KLF8: variants seen among roughly 807,000 people sequenced by gnomAD.
KLF8 encodes Krueppel-like factor 8.
Under a neutral mutation model 18.2 loss-of-function variants are expected in KLF8, and 10 were observed. The observed-to-expected ratio is 0.55, with a 90% confidence interval of 0.34 to 0.93. The LOEUF (loss-of-function observed/expected upper bound fraction) is 0.93. KLF8 is among the 40% of genes least tolerant of loss of function. The pLI is 0.02. For synonymous variants in KLF8, 109 were observed against 97.3 expected, an observed-to-expected ratio of 1.12 and a Z score of -0.71; for missense variants, 264 against 277.9, an observed-to-expected ratio of 0.95 and a Z score of 0.36.
chrX:56,023,929 C>G, the KLF8 span, among the ~76,000 whole-genome samples: 327 of 111,463 alleles, frequency 2.9e-3, no homozygotes, highest in African/African-American at 0.01. Context: ...CTAGCACAAA[C>G]AGAACTCCAG....
At chrX:56,066,641 C>G in the KLF8 span, among the ~76,000 whole-genome samples, 1 of 111,473 alleles carries the variant, frequency 9.0e-6, no homozygotes, top group Non-Finnish European at 1.9e-5. Context: ...TTAATGGTTC[C>G]TGCTTTAATC....
chrX:56,079,554 A>G, the KLF8 span, among the ~76,000 whole-genome samples: 1 of 111,252 alleles, frequency 9.0e-6, no homozygotes, highest in Non-Finnish European at 1.9e-5. Flanking sequence ...GGAGAGCTTT[A>G]CTTCCCAGTA....
At chrX:56,262,653 A>AATTATT (rs746011852) in intron 2 of KLF8, among the ~76,000 whole-genome samples, 1 of 110,214 alleles carries the variant, frequency 9.1e-6, no homozygotes, top group South Asian at 3.8e-4. Flanking sequence ...TATTACAGTG[A>AATTATT]ATTATTATTA....
chrX:56,004,261 C>T, the KLF8 span, among the ~76,000 whole-genome samples: 125 of 112,290 alleles, frequency 1.1e-3, no homozygotes, highest in Non-Finnish European at 1.7e-3. Flanking sequence ...GCCTTGCACA[C>T]GGTACCTGTT....
chrX:56,212,452 C>T, the KLF8 span, among the ~76,000 whole-genome samples: 2 of 112,167 alleles, frequency 1.8e-5, no homozygotes, highest in African/African-American at 6.5e-5. Context: ...ACCTAGAGCA[C>T]TTTGGCCCTC....
chrX:56,040,327 AT>A, the KLF8 span, among the ~76,000 whole-genome samples: 1 of 111,241 alleles, frequency 9.0e-6, no homozygotes, highest in Non-Finnish European at 1.9e-5. Flanking sequence ...GTGCTTCCAG[AT>A]TTTTCCCATT....
At chrX:56,172,035 T>C in the KLF8 span, among the ~76,000 whole-genome samples, 1 of 111,576 alleles carries the variant, frequency 9.0e-6, no homozygotes, top group Non-Finnish European at 1.9e-5. Flanking sequence ...CTAGCACCTG[T>C]TGTTTCCTGA....
the KLF8 span, among the ~76,000 whole-genome samples, chrX:56,149,597 T>C: frequency 9.0e-6 from 1 of 111,029 alleles, no homozygotes; most frequent in Non-Finnish European, 1.9e-5. Flanking sequence ...AAGTTGAAAG[T>C]GTAAAACAAA....
At chrX:56,067,880 G>A in the KLF8 span, among the ~76,000 whole-genome samples, 2 of 112,656 alleles carry the variant, frequency 1.8e-5, no homozygotes, top group Admixed American at 9.3e-5. Flanking sequence ...AGAGGCCAAA[G>A]TGGCAGTATC....
chrX:56,054,842 T>G, the KLF8 span, among the ~76,000 whole-genome samples: 1 of 112,071 alleles, frequency 8.9e-6, no homozygotes, highest in African/African-American at 3.2e-5. Context: ...CATAATGCTT[T>G]TCTTTGTCTT....
intron 2 of KLF8, among the ~76,000 whole-genome samples, chrX:56,255,640 A>G (rs1253547711): frequency 8.9e-6 from 1 of 112,429 alleles, no homozygotes; most frequent in African/African-American, 3.2e-5. Context: ...TTTCAGCATC[A>G]ATTGAAATAA....
the KLF8 span, among the ~76,000 whole-genome samples, chrX:56,086,074 G>A: frequency 0.13 from 14,046 of 111,414 alleles, 1,602 homozygotes; most frequent in African/African-American, 0.37. Context: ...ACATATTACA[G>A]AAAACCAAGG....
chrX:56,008,210 G>T, the KLF8 span, among the ~76,000 whole-genome samples: 1 of 107,287 alleles, frequency 9.3e-6, no homozygotes, highest in African/African-American at 3.4e-5. Context: ...ATTTCAATTA[G>T]TGAAAATAAA....
At chrX:56,147,205 A>C in the KLF8 span, among the ~76,000 whole-genome samples, 1 of 112,275 alleles carries the variant, frequency 8.9e-6, no homozygotes, top group African/African-American at 3.2e-5. Context: ...ATTTGAAGAG[A>C]AGGAGCCTAA....
the KLF8 span, among the ~76,000 whole-genome samples, chrX:56,056,348 C>A: frequency 1.8e-5 from 2 of 110,286 alleles, no homozygotes; most frequent in South Asian, 4.0e-4. Flanking sequence ...CAACACTCTA[C>A]TTTGAATTCT....
At chrX:56,251,352 C>T (rs759809005) in intron 2 of KLF8, among the ~76,000 whole-genome samples, 6 of 112,486 alleles carry the variant, frequency 5.3e-5, no homozygotes, top group South Asian at 3.6e-4. Flanking sequence ...ATATACAATA[C>T]TTGTCTGTTT....
intron 2 of KLF8, among the ~76,000 whole-genome samples, chrX:56,258,847 G>C (rs1313326022): frequency 9.0e-6 from 1 of 111,717 alleles, no homozygotes; most frequent in Non-Finnish European, 1.9e-5. Context: ...CCAGGAGTTT[G>C]TGTTCTATAA....
intron 2 of KLF8, among the ~76,000 whole-genome samples, chrX:56,257,303 A>T (rs1027849334): frequency 4.5e-5 from 5 of 111,535 alleles, no homozygotes; most frequent in African/African-American, 1.6e-4. Flanking sequence ...TGTTCTGTAA[A>T]TATATATTGG....
chrX:56,076,681 G>A, the KLF8 span, among the ~76,000 whole-genome samples: 1 of 111,502 alleles, frequency 9.0e-6, no homozygotes, highest in Non-Finnish European at 1.9e-5. Flanking sequence ...GGGTCAAATG[G>A]TATTTCCAGT....
Sources: gnomAD v4.1 joint callset for allele counts (sites outside exome capture counted in the v4.1 genomes callset) on GRCh38, gnomAD v4.1.1 for gene constraint, MANE v1.5 for transcripts, NCBI Gene and HGNC (gene_info 2026-07-23, HGNC 2026-07-21) for gene names.